Variants in PAM observed in about 807,000 individuals in gnomAD.
The protein encoded by PAM is peptidylglycine alpha-amidating monooxygenase.
In PAM, 72 loss-of-function variants were observed where a neutral mutation model predicts 122.1. The ratio of observed to expected loss-of-function variants is 0.59; its 90% confidence interval spans 0.49 to 0.72. PAM has a LOEUF of 0.72. PAM is among the 30% of genes least tolerant of loss of function. The probability of loss-of-function intolerance (pLI) is 0.00; values close to 1 mark genes in which losing one functional copy is unlikely to be tolerated. For synonymous variants in PAM, 389 were observed against 404.4 expected, an observed-to-expected ratio of 0.96 and a Z score of 0.46; for missense variants, 1,106 against 1,183.7, an observed-to-expected ratio of 0.93 and a Z score of 0.96.
intron 7 of PAM, among the ~76,000 whole-genome samples, chr5:102,930,802 G>T (rs1325940558): frequency 6.6e-6 from 1 of 152,192 alleles, no homozygotes; most frequent in Non-Finnish European, 1.5e-5. Flanking sequence ...GCTTAGGAAG[G>T]CCAGAATGAC....
At chr5:102,808,423 C>T (rs1338057353) in intron 1 of PAM, among the ~76,000 whole-genome samples, 2 of 152,020 alleles carry the variant, frequency 1.3e-5, no homozygotes, top group African/African-American at 4.8e-5. Flanking sequence ...TGTGGGCAGG[C>T]ACATGTGGGG....
chr5:102,987,735 G>A (rs755271382), intron 15 of PAM, among the ~76,000 whole-genome samples: 8 of 152,086 alleles, frequency 5.3e-5, no homozygotes, highest in Non-Finnish European at 8.8e-5. Context: ...TCCCTTTTGT[G>A]ACAAGCAAGG....
At chr5:102,917,872 ACAGCATGAAG>A (rs1745983678) in intron 5 of PAM, among the ~76,000 whole-genome samples, 1 of 152,210 alleles carries the variant, frequency 6.6e-6, no homozygotes, top group African/African-American at 2.4e-5. Context: ...AATAGTAGAC[ACAGCATGAAG>A]CAGTTTTCAT....
chr5:102,827,500 C>T (rs1312896192), intron 1 of PAM, among the ~76,000 whole-genome samples: 1 of 152,056 alleles, frequency 6.6e-6, no homozygotes, highest in Non-Finnish European at 1.5e-5. Flanking sequence ...ATTTTATCCT[C>T]ATAATACAAA....
chr5:102,758,994 G>A (rs1024012307), intron 1 of PAM, among the ~76,000 whole-genome samples: 2 of 152,118 alleles, frequency 1.3e-5, no homozygotes, highest in Non-Finnish European at 2.9e-5. Context: ...CACACTAAAC[G>A]TTTGGCTTTT....
At chr5:102,995,043 GA>G (rs1208306766) in intron 16 of PAM, among the ~76,000 whole-genome samples, 2 of 152,044 alleles carry the variant, frequency 1.3e-5, no homozygotes. Context: ...TATTGTTTTA[GA>G]AATCTGTCTG....
intron 1 of PAM, among the ~76,000 whole-genome samples, chr5:102,775,259 T>C (rs1561410247): frequency 6.6e-6 from 1 of 152,116 alleles, no homozygotes; most frequent in Non-Finnish European, 1.5e-5. Flanking sequence ...TGGTCTGCAG[T>C]GTTGGTACTT....
intron 22 of PAM, among the ~76,000 whole-genome samples, chr5:103,018,601 T>G (rs541557661): frequency 4.6e-5 from 7 of 152,002 alleles, no homozygotes; most frequent in Non-Finnish European, 8.8e-5. Flanking sequence ...GAAGGCAGGG[T>G]CAGACAATAA....
intron 1 of PAM, among the ~76,000 whole-genome samples, chr5:102,804,940 T>C (rs991934197): frequency 3.9e-5 from 6 of 152,180 alleles, no homozygotes; most frequent in African/African-American, 1.4e-4. Flanking sequence ...TGCTCAACTC[T>C]AAACATCAAT....
At chr5:102,930,867 A>AAT (rs2151793770) in intron 7 of PAM, among the ~76,000 whole-genome samples, 1 of 152,340 alleles carries the variant, frequency 6.6e-6, no homozygotes, top group East Asian at 1.9e-4. Flanking sequence ...TTCCATAGGA[A>AAT]ATAGGATGTA....
Position 102,968,087 on chromosome 5 carries a change from T to C in PAM, c.1163-6029T>C, listed in dbSNP as rs560791163. On this transcript the variant is annotated intron_variant, in intron 14 of 25. Transcript: ENST00000438793. ...CTGTGGTATGTATGTATTGACCAGT[T>C]TGCACGTTTCTTGTGTTACGATATG... Among the ~76,000 whole-genome samples the C allele has an allele frequency of 5.3e-5, 8 of 152,274 alleles. No individual in the cohort carries two copies. In the East Asian group the frequency reaches 1.5e-3, roughly 29 times the overall value.
At chr5:102,858,356 C>T (rs1401810676) in intron 1 of PAM, among the ~76,000 whole-genome samples, 2 of 152,158 alleles carry the variant, frequency 1.3e-5, no homozygotes, top group Non-Finnish European at 2.9e-5. Context: ...TGTCTGGAGA[C>T]ATTTTTGATT....
chr5:102,892,321 G>A (rs564039272), intron 3 of PAM, among the ~76,000 whole-genome samples: 4 of 151,944 alleles, frequency 2.6e-5, no homozygotes, highest in Middle Eastern at 3.4e-3. Flanking sequence ...ACTTGATGAC[G>A]TTGTTTAGTT....
At chr5:102,814,299 C>G (rs1768916537) in intron 1 of PAM, among the ~76,000 whole-genome samples, 1 of 152,144 alleles carries the variant, frequency 6.6e-6, no homozygotes, top group South Asian at 2.1e-4. Context: ...ATATGATTTA[C>G]TAATGGTGTT....
chr5:102,760,940 G>C (rs1446736292), intron 1 of PAM, among the ~76,000 whole-genome samples: 1 of 152,226 alleles, frequency 6.6e-6, no homozygotes, highest in African/African-American at 2.4e-5. Flanking sequence ...CTCAAATCAT[G>C]TGTGATTGTG....
chr5:102,982,639 T>C (rs1035192210), intron 15 of PAM, among the ~76,000 whole-genome samples: 1 of 152,174 alleles, frequency 6.6e-6, no homozygotes, highest in African/African-American at 2.4e-5. Flanking sequence ...GCCAAAGAAA[T>C]CATACAGAGA....
At chr5:102,899,598 C>T (rs957790722) in intron 3 of PAM, among the ~76,000 whole-genome samples, 16 of 151,632 alleles carry the variant, frequency 1.1e-4, no homozygotes, top group Admixed American at 9.9e-4. Flanking sequence ...CATTATTTGT[C>T]ACATTGCTGG....
intron 21 of PAM, among the ~76,000 whole-genome samples, chr5:103,016,330 A>C (rs3776859): frequency 0.35 from 53,145 of 152,052 alleles, 9,828 homozygotes; most frequent in African/African-American, 0.46. Flanking sequence ...ACCCTTTGAA[A>C]TCAGCACATC....
intron 16 of PAM, among the ~76,000 whole-genome samples, chr5:102,994,291 T>C (rs1377421420): frequency 6.6e-6 from 1 of 152,196 alleles, no homozygotes; most frequent in Non-Finnish European, 1.5e-5. Context: ...TACCTAAATC[T>C]GAGTCCTGTT....
Sources: gnomAD v4.1 joint callset for allele counts (sites outside exome capture counted in the v4.1 genomes callset) on GRCh38, gnomAD v4.1.1 for gene constraint, MANE v1.5 for transcripts, NCBI Gene and HGNC (gene_info 2026-07-23, HGNC 2026-07-21) for gene names.